Variants in PDE1C observed in about 807,000 individuals in gnomAD.
PDE1C encodes phosphodiesterase 1C.
A neutral mutation model predicts 93.1 loss-of-function variants in PDE1C; 62 were observed. That is an observed-to-expected ratio of 0.67 (90% CI 0.54 to 0.82). The LOEUF (loss-of-function observed/expected upper bound fraction) is 0.82. Ranked by LOEUF, PDE1C falls within the 40% of genes least tolerant of loss-of-function variation. PDE1C has a pLI of 0.00. For synonymous variants in PDE1C, 325 were observed against 310.1 expected, an observed-to-expected ratio of 1.05 and a Z score of -0.50; for missense variants, 742 against 884.6, an observed-to-expected ratio of 0.84 and a Z score of 2.04.
At chr7:32,236,136 C>A (rs1000861898) in intron 1 of PDE1C, among the ~76,000 whole-genome samples, 22 of 151,976 alleles carry the variant, frequency 1.4e-4, no homozygotes, top group African/African-American at 4.6e-4. Context: ...ATAAACAAAT[C>A]AATTCAAAAT....
rs1788073605 is a variant in PDE1C at position 32,017,564 on chromosome 7, GCA to G, written c.128+33988_128+33989del. Among the ~76,000 whole-genome samples the G allele has an allele frequency of 3.9e-5, 6 of 152,110 alleles. No homozygotes were observed. In the South Asian group the frequency reaches 1.2e-3, roughly 32 times the overall value. On this transcript the variant is annotated intron_variant, in intron 2 of 17. Transcript: ENST00000396191. ...ACCATCAAGAAAGTAAAAAGAAAAA[GCA>G]CACAGAATGGGAGATAACATTTGCA... is the stretch of plus-strand genomic sequence containing the variant.
intron 1 of PDE1C, among the ~76,000 whole-genome samples, chr7:32,215,162 G>A (rs1022307612): frequency 2.6e-5 from 4 of 151,502 alleles, no homozygotes; most frequent in Non-Finnish European, 5.9e-5. Context: ...TGTGCAGCGG[G>A]GACCGAGCAT....
At chr7:32,136,120 G>A (rs1800192938) in intron 3 of PDE1C, among the ~76,000 whole-genome samples, 1 of 152,074 alleles carries the variant, frequency 6.6e-6, no homozygotes, top group African/African-American at 2.4e-5. Context: ...GTAGAGGTGG[G>A]GAAAATGGGG....
chr7:31,847,879 A>G, intron 9 of PDE1C, 89 bp downstream of exon 9: 1 of 1,349,468 alleles, frequency 7.4e-7, no homozygotes, highest in Non-Finnish European at 1.1e-6. Flanking sequence ...CATTTTAAGC[A>G]AGGTGTTCTT....
intron 1 of PDE1C, among the ~76,000 whole-genome samples, chr7:32,421,263 C>T (rs759558997): frequency 6.6e-6 from 1 of 152,168 alleles, no homozygotes; most frequent in African/African-American, 2.4e-5. Context: ...TGCTGGCCTC[C>T]CCGCGGCCTT....
At chr7:31,763,127 C>A (rs146555908) in intron 17 of PDE1C, among the ~76,000 whole-genome samples, 228 of 152,228 alleles carry the variant, frequency 1.5e-3, no homozygotes, top group African/African-American at 5.2e-3. Context: ...GCTTGAAAAC[C>A]ACTGGCTTTG....
chr7:32,335,489 T>G (rs2128078285), intron 1 of PDE1C, among the ~76,000 whole-genome samples: 1 of 152,314 alleles, frequency 6.6e-6, no homozygotes, highest in South Asian at 2.1e-4. Flanking sequence ...CTCACAATTC[T>G]GGAGACTAGA....
At chr7:32,093,198 C>T (rs1584749088) in intron 3 of PDE1C, among the ~76,000 whole-genome samples, 1 of 152,320 alleles carries the variant, frequency 6.6e-6, no homozygotes, top group East Asian at 1.9e-4. Context: ...TTCAGAAGAG[C>T]AAGCTCTTTC....
intron 2 of PDE1C, among the ~76,000 whole-genome samples, chr7:32,173,949 A>G (rs866139887): frequency 6.6e-6 from 1 of 152,192 alleles, no homozygotes; most frequent in African/African-American, 2.4e-5. Context: ...TGGGGTGTCC[A>G]TCCAAACTGC....
intron 16 of PDE1C, among the ~76,000 whole-genome samples, chr7:31,776,501 G>A (rs7809488): frequency 0.11 from 17,208 of 151,966 alleles, 2,474 homozygotes; most frequent in African/African-American, 0.33. Flanking sequence ...CCCAGGATGG[G>A]ATCAATAAGG....
chr7:31,774,073 A>G (rs1795673726), intron 17 of PDE1C, among the ~76,000 whole-genome samples: 1 of 152,194 alleles, frequency 6.6e-6, no homozygotes, highest in Non-Finnish European at 1.5e-5. Context: ...AAAAGCAGGC[A>G]GACATAAGTC....
Position 32,108,732 on chromosome 7 carries a change from T to C in PDE1C, c.308+61053A>G, listed in dbSNP as rs11979449. Among the ~76,000 whole-genome samples the C allele has an allele frequency of 8.4e-3, 1,281 of 152,338 alleles. 16 individuals carry two copies. The highest frequency in any genetic ancestry group is 0.029 in the African/African-American group (1,218 of 41,580). On this transcript the variant is annotated intron_variant, in intron 3 of 18. Coordinates refer to the PDE1C transcript ENST00000396193. Reference sequence around the variant, plus strand: ...ATGAATGTTCATGATTTGGAAAATCTAGCCATGGTTTCCTCCTGAATTTCA... The same window carrying C: ...ATGAATGTTCATGATTTGGAAAATCCAGCCATGGTTTCCTCCTGAATTTCA...
Position 31,953,650 on chromosome 7 carries a change from G to A in PDE1C, c.129-72790C>T, listed in dbSNP as rs1335260485. ...CACTTTGACACAGGAGCCCCATTCT[G>A]AGAGAAATGCATGTTGACAGCAGAA... On this transcript the variant is annotated intron_variant, in intron 2 of 17. Transcript: ENST00000396191. Among the ~76,000 whole-genome samples, 5 of 152,228 alleles carry A rather than the reference G, an allele frequency of 3.3e-5. No individual in the cohort carries two copies. The South Asian group carries it at 6.2e-4, about 19-fold the overall frequency.
chr7:31,794,838 T>C (rs1041296122), intron 16 of PDE1C, among the ~76,000 whole-genome samples: 3 of 152,094 alleles, frequency 2.0e-5, no homozygotes, highest in African/African-American at 7.2e-5. Flanking sequence ...AGAAAGTCCT[T>C]CAGATCAGTA....
At chr7:31,908,544 G>A (rs112507694) in intron 2 of PDE1C, among the ~76,000 whole-genome samples, 1 of 152,246 alleles carries the variant, frequency 6.6e-6, no homozygotes, top group African/African-American at 2.4e-5. Flanking sequence ...TATAAAGATG[G>A]AAAGTCAAGT....
chr7:32,298,065 C>CTCTCTCTCTCTCT lies in PDE1C; in HGVS notation c.85+585_85+586insAGAGAGAGAGAGA, dbSNP rs1562660556. Among the ~76,000 whole-genome samples, 53 of 21,170 alleles carry CTCTCTCTCTCTCT rather than the reference C, an allele frequency of 2.5e-3. 19 individuals carry two copies. Among genetic ancestry groups the CTCTCTCTCTCTCT allele is most frequent in the Admixed American group, 4.6e-3 (7 of 1,538 alleles). 13.9% of individuals were successfully genotyped at this position (21,170 alleles called of 152,430 possible). ...CTCTCTCTCTCTCTCTCTCTCTCTC[C>CTCTCTCTCTCTCT]CCTCTCTCTCTGAATTCCCCGGTCT... On this transcript the variant is annotated intron_variant, in intron 1 of 18. Coordinates refer to the PDE1C transcript ENST00000396193.
At chr7:32,029,001 T>C (rs1220011414) in intron 2 of PDE1C, among the ~76,000 whole-genome samples, 2 of 152,076 alleles carry the variant, frequency 1.3e-5, no homozygotes, top group Non-Finnish European at 2.9e-5. Flanking sequence ...TCAGATAAGG[T>C]ATTAATATCC....
rs34543961 is a variant in PDE1C, at chr7:32,327,769, CAAA to C, written c.310+100050_310+100052del. On this transcript the variant is annotated intron_variant, in intron 1 of 1. Coordinates refer to the PDE1C transcript ENST00000672256. ...TGGGCAACAGCGCTAGACTCTGTCT[CAAA>C]AAAAAAAAAAAAAAAAAAGAGAATC... 1.7e-3 allele frequency among the ~76,000 whole-genome samples: 177 copies of C among 104,754 alleles called. 1 individual carries two copies. The highest frequency in any genetic ancestry group is 4.9e-3 in the South Asian group (14 of 2,852). 68.7% of individuals were successfully genotyped at this position (104,754 alleles called of 152,430 possible).
At chr7:32,299,646 A>G (rs1812833389), upstream of PDE1C, among the ~76,000 whole-genome samples, 1 of 152,226 alleles carries the variant, frequency 6.6e-6, no homozygotes, top group Non-Finnish European at 1.5e-5. Context: ...GGGGCTTGAG[A>G]AAAGTGCTAC....
Sources: gnomAD v4.1 joint callset for allele counts (sites outside exome capture counted in the v4.1 genomes callset) on GRCh38, gnomAD v4.1.1 for gene constraint, MANE v1.5 for transcripts, NCBI Gene and HGNC (gene_info 2026-07-23, HGNC 2026-07-21) for gene names.